PATJ: variants seen among roughly 807,000 people sequenced by gnomAD.
PATJ encodes inaD-like protein.
In PATJ, 190 loss-of-function variants were observed where a neutral mutation model predicts 224.9. That is an observed-to-expected ratio of 0.84 (90% CI 0.75 to 0.95). PATJ has a LOEUF of 0.95. PATJ is among the 40% of genes least tolerant of loss of function. The probability of loss-of-function intolerance (pLI) is 0.00; values close to 1 mark genes in which losing one functional copy is unlikely to be tolerated. For missense variants in PATJ, 2,121 were observed against 2,270.3 expected (o/e 0.93, Z 1.34); for synonymous variants, 769 against 820.3 (o/e 0.94, Z 1.07).
Position 61,801,730 on chromosome 1 carries a change from A to T in PATJ, c.1510A>T (p.Thr504Ser). 1 of 1,599,798 alleles carries T rather than the reference A, an allele frequency of 6.3e-7. No individual in the cohort carries two copies. Among genetic ancestry groups the T allele is most frequent in the Non-Finnish European group, 8.5e-7 (1 of 1,171,282 alleles). Residue 504 changes from threonine (T) to serine (S), a missense_variant, in exon 12 of 44, where the codon ACT becomes TCT. Transcript: ENST00000642238. ...EDEEIKERIDTLKNDNIQALE... is the reference protein window; with the variant it reads ...EDEEIKERIDSLKNDNIQALE... ...TGAGGAAATTAAAGAAAGAATTGATACTTTAAAAAATGACAACATACAAGC... is the reference window on the plus strand; with the variant it reads ...TGAGGAAATTAAAGAAAGAATTGATTCTTTAAAAAATGACAACATACAAGC...
chr1:62,135,501 G>A (rs569363598), intron 41 of PATJ, among the ~76,000 whole-genome samples: 14 of 115,728 alleles, frequency 1.2e-4, no homozygotes, highest in Non-Finnish European at 1.8e-4. Context: ...GGGTGACAGA[G>A]CGAGACTCCG....
At chr1:62,155,786 G>T (rs546051174) in intron 43 of PATJ, among the ~76,000 whole-genome samples, 2 of 151,858 alleles carry the variant, frequency 1.3e-5, no homozygotes, top group South Asian at 4.2e-4. Context: ...GGCCGGGTGC[G>T]GTGGCTCATG....
intron 26 of PATJ, among the ~76,000 whole-genome samples, chr1:61,924,683 A>G (rs1674846642): frequency 6.6e-6 from 1 of 152,196 alleles, no homozygotes; most frequent in Non-Finnish European, 1.5e-5. Flanking sequence ...GAGATTCTTT[A>G]TTTTGAGAGA....
chr1:62,096,866 C>T (rs1313016049), intron 33 of PATJ, among the ~76,000 whole-genome samples: 8 of 152,174 alleles, frequency 5.3e-5, no homozygotes, highest in African/African-American at 1.7e-4. Flanking sequence ...ATCCACCTGC[C>T]TCGGCCTCCC....
intron 31 of PATJ, among the ~76,000 whole-genome samples, chr1:62,071,550 T>C (rs537763023): frequency 6.9e-6 from 1 of 145,598 alleles, no homozygotes; most frequent in Non-Finnish European, 1.5e-5. Context: ...TGGAGTGCAG[T>C]GGTGCAATCT....
chr1:61,807,655 T>C (rs1653864420), intron 13 of PATJ, among the ~76,000 whole-genome samples: 1 of 152,234 alleles, frequency 6.6e-6, no homozygotes, highest in Non-Finnish European at 1.5e-5. Context: ...AGAAAGAAGC[T>C]AGGCATGATG....
rs145773296 is a variant in PATJ at position 61,763,116 on chromosome 1, A to G, written c.126A>G (p.Leu42=). Residue 42 remains leucine (L), a synonymous_variant, in exon 3 of 44, where the codon CTA becomes CTG. Transcript: ENST00000642238. ...NEKLSMFYET[L]KSPLFNQILT... ...AGTTATCTATGTTTTATGAGACACT[A>G]AAGAGTCCTCTCTTCAACCAGATAC... The G allele has an allele frequency of 2.1e-4, 344 of 1,609,628 alleles. 6 individuals carry two copies. The South Asian group carries it at 3.6e-3, about 17-fold the overall frequency.
At chr1:61,912,667 A>C (rs2149222119) in intron 25 of PATJ, among the ~76,000 whole-genome samples, 2 of 76,732 alleles carry the variant, frequency 2.6e-5, no homozygotes, top group South Asian at 5.1e-4. Flanking sequence ...GAAGGAAGGG[A>C]GGGAGGGAGG....
intron 41 of PATJ, among the ~76,000 whole-genome samples, chr1:62,144,777 A>AAAAAAAAATAT (rs377489788): frequency 2.5e-4 from 30 of 119,100 alleles, no homozygotes; most frequent in African/African-American, 9.6e-4. Context: ...AAAAAAAAAA[A>AAAAAAAAATAT]ATATATATAT....
chr1:61,971,364 G>GT (rs1395732540), intron 27 of PATJ, among the ~76,000 whole-genome samples: 3 of 152,138 alleles, frequency 2.0e-5, no homozygotes, highest in Non-Finnish European at 4.4e-5. Flanking sequence ...TTAAAACAGC[G>GT]TAAGGCCAGG....
At chr1:61,873,614 G>A (rs1419065280) in intron 20 of PATJ, among the ~76,000 whole-genome samples, 2 of 152,212 alleles carry the variant, frequency 1.3e-5, no homozygotes, top group African/African-American at 4.8e-5. Context: ...ATGAAGGCTG[G>A]GAAGTCCAAG....
chr1:61,959,280 C>T (rs1443753711), intron 27 of PATJ, among the ~76,000 whole-genome samples: 3 of 151,584 alleles, frequency 2.0e-5, no homozygotes, highest in East Asian at 3.9e-4. Context: ...ATATGTATAA[C>T]ATCTTATCTC....
intron 18 of PATJ, among the ~76,000 whole-genome samples, chr1:61,858,265 C>CT (rs1311018149): frequency 2.0e-5 from 3 of 151,740 alleles, no homozygotes; most frequent in African/African-American, 4.8e-5. Context: ...CAGAGCCATA[C>CT]TTTTTTTTCT....
chr1:61,767,900 T>A (rs1316286511), intron 4 of PATJ, among the ~76,000 whole-genome samples: 5 of 151,752 alleles, frequency 3.3e-5, no homozygotes, highest in Non-Finnish European at 7.4e-5. Context: ...TAGTCTCTCC[T>A]GACCTCGTGA....
intron 17 of PATJ, among the ~76,000 whole-genome samples, chr1:61,836,174 C>G (rs897654138): frequency 4.6e-5 from 7 of 152,168 alleles, no homozygotes; most frequent in Non-Finnish European, 1.0e-4. Flanking sequence ...CATCTATAGT[C>G]AGTTCTAAAT....
At chr1:62,077,020 C>A (rs150816921) in intron 31 of PATJ, among the ~76,000 whole-genome samples, 1 of 152,268 alleles carries the variant, frequency 6.6e-6, no homozygotes, top group Non-Finnish European at 1.5e-5. Context: ...GATTACTATA[C>A]CATTCTTATT....
intron 39 of PATJ, among the ~76,000 whole-genome samples, chr1:62,124,206 C>T (rs1665432546): frequency 6.6e-6 from 1 of 152,052 alleles, no homozygotes; most frequent in South Asian, 2.1e-4. Context: ...CCTCAGCCTC[C>T]CAAGTAGCTG....
chr1:61,858,636 A>G (rs1489767616), intron 18 of PATJ, among the ~76,000 whole-genome samples: 1 of 152,162 alleles, frequency 6.6e-6, no homozygotes, highest in Non-Finnish European at 1.5e-5. Context: ...GCACCAAGCC[A>G]TGAGGGATCC....
At chr1:61,959,430 T>TAA (rs1680924910) in intron 27 of PATJ, among the ~76,000 whole-genome samples, 1 of 107,812 alleles carries the variant, frequency 9.3e-6, no homozygotes. Flanking sequence ...AATATATTTT[T>TAA]TTTCTTTTCT....
Sources: allele counts gnomAD v4.1 joint callset (sites outside exome capture counted in the v4.1 genomes callset), GRCh38; gene constraint gnomAD v4.1.1; transcripts MANE v1.5; gene names NCBI Gene and HGNC (gene_info 2026-07-23, HGNC 2026-07-21).